The following EDEM3 variants were observed in gnomAD, a reference collection of about 807,000 sequenced individuals.
The protein encoded by EDEM3 is ER degradation-enhancing alpha-mannosidase-like protein 3.
A neutral mutation model predicts 110.2 loss-of-function variants in EDEM3; 60 were observed. The ratio of observed to expected loss-of-function variants is 0.54; its 90% CI spans 0.44 to 0.67. EDEM3 has a LOEUF of 0.67. Ranked by LOEUF, EDEM3 falls within the 30% of genes least tolerant of loss-of-function variation. The pLI is 0.00. For synonymous variants in EDEM3, 352 were observed against 382.9 expected (o/e 0.92, Z 0.94); for missense variants, 996 against 1,121.0 (o/e 0.89, Z 1.59).
chr1:184,711,872 C>T lies in EDEM3; in HGVS notation c.1542G>A (p.Ser514=), dbSNP rs770289161. 1.0e-5 allele frequency: 16 copies of T among 1,600,060 alleles called. No homozygotes were observed. The highest frequency in any genetic ancestry group is 2.7e-5 in the African/African-American group (2 of 74,078). ...NQSISKKNTT[S]EYTELDDSNF... ...TACTGTCATCCAGTTCTGTATATTC[C>T]GAGGTCTACAAGAGAAAAACATTTT... Residue 514 remains serine (S), a synonymous_variant, in exon 15 of 20, where the codon TCG becomes TCA. Transcript: ENST00000318130.
rs549938679 is a variant in EDEM3, at chr1:184,690,558, A to T, written c.*3505T>A. 1 of 152,636 alleles carries T rather than the reference A, an allele frequency of 6.6e-6. No homozygotes were observed. Among genetic ancestry groups the T allele is most frequent in the Non-Finnish European group, 1.5e-5 (1 of 68,018 alleles). The allele number at this position is 152,636 out of a possible 1,614,324, so 9.5% of individuals were successfully genotyped here. A position where few individuals can be genotyped will look rare whatever the true frequency, so the allele number is the denominator to read the frequency against. ...ACAATCAGTAATTATAATCAAATAC[A>T]TAATTATATACAGGATTATATACAT... On this transcript the variant is annotated 3_prime_UTR_variant, in exon 20 of 20. Coordinates refer to ENST00000318130, the MANE Select transcript of EDEM3 (RefSeq NM_025191.4).
chr1:184,730,544 A>G (rs891297496), intron 6 of EDEM3, among the ~76,000 whole-genome samples: 1 of 152,252 alleles, frequency 6.6e-6, no homozygotes, highest in Non-Finnish European at 1.5e-5. Flanking sequence ...CAATGATCAC[A>G]CTACTGAACT....
chr1:184,754,703 T>C lies in EDEM3; in HGVS notation c.-57A>G, dbSNP rs1453846701. 6.8e-7 allele frequency: 1 copy of C among 1,469,040 alleles called. No individual in the cohort carries two copies. The highest frequency in any genetic ancestry group is 9.0e-7 in the Non-Finnish European group (1 of 1,114,002). 91.0% of individuals were successfully genotyped at this position (1,469,040 alleles called of 1,614,324 possible). A position where few individuals can be genotyped will look rare whatever the true frequency, so the allele number is the denominator to read the frequency against. ...ACGCCCGGCCGGTGAGACACATTGCTGGACGCTGGTGGCCAGGGGGCTGCT... is the reference window on the plus strand; with the variant it reads ...ACGCCCGGCCGGTGAGACACATTGCCGGACGCTGGTGGCCAGGGGGCTGCT... On this transcript the variant is annotated 5_prime_UTR_variant, in exon 1 of 20. Coordinates refer to ENST00000318130, the MANE Select transcript of EDEM3 (RefSeq NM_025191.4).
At chr1:184,733,376 T>C (rs933262846) in intron 5 of EDEM3, among the ~76,000 whole-genome samples, 2 of 152,234 alleles carry the variant, frequency 1.3e-5, no homozygotes, top group Non-Finnish European at 2.9e-5. Context: ...CCTCTCGCTC[T>C]AGATTAATAA....
intron 4 of EDEM3, among the ~76,000 whole-genome samples, chr1:184,736,186 C>T (rs187174983): frequency 6.6e-6 from 1 of 152,054 alleles, no homozygotes; most frequent in East Asian, 1.9e-4. Flanking sequence ...CTTAGGAGGA[C>T]CTATTTTTTT....
chr1:184,701,565 C>T (rs777822319), intron 19 of EDEM3: 2 of 1,271,810 alleles, frequency 1.6e-6, no homozygotes, highest in South Asian at 1.3e-5. Flanking sequence ...AGTGGTAGCA[C>T]AAAATAGGGG....
intron 2 of EDEM3, among the ~76,000 whole-genome samples, chr1:184,745,022 G>A (rs1436206145): frequency 1.3e-5 from 2 of 152,078 alleles, no homozygotes; most frequent in Non-Finnish European, 2.9e-5. Flanking sequence ...TTGGGGTGAT[G>A]AAAATGTTCT....
At chr1:184,728,145 A>G (rs1006385705) in intron 6 of EDEM3, among the ~76,000 whole-genome samples, 4 of 152,246 alleles carry the variant, frequency 2.6e-5, no homozygotes, top group Non-Finnish European at 4.4e-5. Flanking sequence ...ACAAAGGAAT[A>G]GATCCTTGTC....
At chr1:184,720,509 C>G (rs888302789) in intron 9 of EDEM3, 1 of 127,458 alleles carries the variant, frequency 7.8e-6, no homozygotes, top group Non-Finnish European at 1.6e-5. Context: ...ATCTCCCATA[C>G]TTTTTTTTTT....
At chr1:184,738,453 AT>A (rs1651952999) in intron 2 of EDEM3, among the ~76,000 whole-genome samples, 1 of 152,102 alleles carries the variant, frequency 6.6e-6, no homozygotes, top group Non-Finnish European at 1.5e-5. Flanking sequence ...GTTGATTTCA[AT>A]TTTTTTCTAT....
intron 1 of EDEM3, 24 bp from the exon 2 acceptor site, chr1:184,749,616 G>GAAAA (rs35957626): frequency 1.7e-5 from 19 of 1,136,660 alleles, no homozygotes; most frequent in Admixed American, 3.4e-5. Context: ...AGCAGAAATG[G>GAAAA]AAAAAAAAAA....
intron 16 of EDEM3, 141 bp from the exon 17 acceptor site, chr1:184,708,485 T>C: frequency 1.4e-6 from 1 of 724,474 alleles, no homozygotes; most frequent in Non-Finnish European, 2.2e-6. Context: ...ATTTATGACC[T>C]TATTTGTACT....
chr1:184,742,888 A>G (rs1294763795), intron 2 of EDEM3, among the ~76,000 whole-genome samples: 2 of 152,228 alleles, frequency 1.3e-5, no homozygotes, highest in Non-Finnish European at 2.9e-5. Context: ...TCTTTGTAAA[A>G]CATCATTCAA....
chr1:184,705,608 T>G (rs1649875411), intron 18 of EDEM3, among the ~76,000 whole-genome samples: 1 of 152,202 alleles, frequency 6.6e-6, no homozygotes, highest in East Asian at 1.9e-4. Flanking sequence ...TTAATAAAAT[T>G]TATGCATCCA....
chr1:184,754,614 G>GGACCCACAGCCCCGGC lies in EDEM3; in HGVS notation c.17_32dup (p.Val13GlyfsTer39). 6.2e-7 allele frequency: 1 copy of GGACCCACAGCCCCGGC among 1,604,976 alleles called. No homozygotes were observed. The highest frequency in any genetic ancestry group is 8.5e-7 in the Non-Finnish European group (1 of 1,176,112). On this transcript the variant is annotated frameshift_variant, in exon 1 of 20. Transcript: ENST00000318130. LOFTEE classifies it high-confidence loss of function. ...TCCATCGCGCTCGCTGGGGAACCGG[G>GGACCCACAGCCCCGGC]GACCCACAGCCCCGGCCGCCGGCTT...
At chr1:184,706,588 A>T (rs1349542353) in intron 18 of EDEM3, 55 bp downstream of exon 18, 3 of 1,428,492 alleles carry the variant, frequency 2.1e-6, no homozygotes, top group African/African-American at 2.9e-5. Flanking sequence ...AAAGGGAAAA[A>T]ATCCTAAAAA....
chr1:184,737,730 T>C lies in EDEM3; in HGVS notation c.205-19A>G. 1 of 1,605,046 alleles carries C rather than the reference T, an allele frequency of 6.2e-7. No homozygotes were observed. Among genetic ancestry groups the C allele is most frequent in the Non-Finnish European group, 8.5e-7 (1 of 1,172,386 alleles). ...CATGTTCCTGCAAGGAAAACTTTAG[T>C]AAGTTACTAAGGAAAATAAGCGAAA... On this transcript the variant is annotated intron_variant, in intron 2 of 19. Transcript: ENST00000318130.
intron 18 of EDEM3, among the ~76,000 whole-genome samples, chr1:184,703,877 A>C (rs1649766545): frequency 6.6e-6 from 1 of 152,222 alleles, no homozygotes; most frequent in Admixed American, 6.5e-5. Flanking sequence ...GTTGAATGAC[A>C]CAGACTTAGG....
intron 19 of EDEM3, among the ~76,000 whole-genome samples, chr1:184,697,654 T>C (rs1396389220): frequency 6.6e-6 from 1 of 151,768 alleles, no homozygotes; most frequent in Non-Finnish European, 1.5e-5. Flanking sequence ...ACAACTCAAT[T>C]GGAAAGACTC....
Sources: gnomAD v4.1 joint callset for allele counts (sites outside exome capture counted in the v4.1 genomes callset) on GRCh38, gnomAD v4.1.1 for gene constraint, MANE v1.5 for transcripts, NCBI Gene and HGNC (gene_info 2026-07-23, HGNC 2026-07-21) for gene names.